The following LRFN5 variants were observed in gnomAD, a reference collection of about 807,000 sequenced individuals.
The protein encoded by LRFN5 is leucine-rich repeat and fibronectin type-III domain-containing protein 5.
LRFN5 carries 24 observed loss-of-function variants against 45.6 expected under a neutral mutation model. The observed-to-expected ratio is 0.53, with a 90% CI of 0.38 to 0.74. The LOEUF (loss-of-function observed/expected upper bound fraction) is 0.74. Among genes scored for constraint, LRFN5 ranks in the 30% least tolerant of loss-of-function variants. The pLI is 0.00. For synonymous variants in LRFN5, 340 were observed against 313.8 expected, an observed-to-expected ratio of 1.08 and a Z score of -0.88; for missense variants, 776 against 861.5, an observed-to-expected ratio of 0.90 and a Z score of 1.24.
chr14:41,790,876 A>G (rs574887919), intron 2 of LRFN5, among the ~76,000 whole-genome samples: 7 of 151,694 alleles, frequency 4.6e-5, no homozygotes, highest in Non-Finnish European at 1.0e-4. Context: ...TTATCTTATA[A>G]TTGTTGGGCA....
rs573115213 is a variant in LRFN5 at position 41,887,120 on chromosome 14, T to A, written c.495T>A (p.Asp165Glu). 6.2e-7 allele frequency: 1 copy of A among 1,614,062 alleles called. No homozygotes were observed. Among genetic ancestry groups the A allele is most frequent in the South Asian group, 1.1e-5 (1 of 91,084 alleles). ...ATAATCTAGAAACCATTCCTTGGGA[T>A]GCTGTTGAGAAGATGGTTAGCTTGC... The part of the protein sequence containing the change: ...SYNNLETIPW[D>E]AVEKMVSLHT... The change falls in exon 3 of 6, where the codon GAT (aspartate) becomes GAA (glutamate). Residue 165 changes from aspartate to glutamate, a missense_variant. Asp to Glu is a conservative substitution (Grantham distance 45). Around this residue, in one of 2 missense-constraint regions of LRFN5, gnomAD observed 311 missense variants for 405.1 expected, o/e 0.77. Coordinates refer to ENST00000298119, the MANE Select transcript of LRFN5 (RefSeq NM_152447.5). The surrounding 1 kb of genome is among the most constrained non-coding windows in gnomAD (Gnocchi z 4.8).
At chr14:41,792,507 C>T (rs1025948828) in intron 2 of LRFN5, among the ~76,000 whole-genome samples, 8 of 151,876 alleles carry the variant, frequency 5.3e-5, no homozygotes, top group African/African-American at 1.7e-4. Flanking sequence ...CCAGAGTGGC[C>T]GTTTATAGAC....
In LRFN5 at chr14:41,895,038, G is replaced by T. The variant is rs969950297; in HGVS notation, c.2098+3076G>T. The T allele has an allele frequency of 4.1e-6, 4 of 984,248 alleles. No individual in the cohort carries two copies. The African/African-American group carries it at 7.0e-5, about 17-fold the overall frequency. 61.0% of individuals were successfully genotyped at this position (984,248 alleles called of 1,614,324 possible). On this transcript the variant is annotated intron_variant, in intron 4 of 5. Transcript: ENST00000298119. ...TTTGTCATTTTGCATTATAGTTTCA[G>T]CTTGTTCAATGTGAGAACAAACAAA...
At chr14:41,894,044 T>A in intron 4 of LRFN5, 1 of 984,312 alleles carries the variant, frequency 1.0e-6, no homozygotes, top group Non-Finnish European at 1.2e-6. Flanking sequence ...CAATAGGTGT[T>A]GATTTGCAGA....
intron 1 of LRFN5, among the ~76,000 whole-genome samples, chr14:41,668,877 A>G (rs1346820576): frequency 6.6e-6 from 1 of 152,152 alleles, no homozygotes; most frequent in Non-Finnish European, 1.5e-5. Flanking sequence ...TGTTGAACGT[A>G]GCTCTGACTT....
chr14:41,797,437 C>T (rs903065402), intron 2 of LRFN5, among the ~76,000 whole-genome samples: 11 of 151,598 alleles, frequency 7.3e-5, no homozygotes, highest in African/African-American at 9.7e-5. Flanking sequence ...TATTTATCAA[C>T]TTGGCAAATC....
intron 2 of LRFN5, among the ~76,000 whole-genome samples, chr14:41,831,897 G>A (rs1380075760): frequency 6.6e-6 from 1 of 152,100 alleles, no homozygotes; most frequent in Admixed American, 6.6e-5. Flanking sequence ...CACAAGTTCA[G>A]TTCCCGGTGA....
chr14:41,827,175 C>T (rs930433903), intron 2 of LRFN5, among the ~76,000 whole-genome samples: 1 of 152,054 alleles, frequency 6.6e-6, no homozygotes, highest in Admixed American at 6.5e-5. Context: ...GTGGCATATA[C>T]TTTGTTTCCT....
intron 2 of LRFN5, among the ~76,000 whole-genome samples, chr14:41,867,604 T>C (rs1889882723): frequency 6.6e-6 from 1 of 152,156 alleles, no homozygotes; most frequent in East Asian, 1.9e-4. Flanking sequence ...GTGTTGATGC[T>C]TCATGTGTAC....
chr14:41,861,522 T>C (rs1361643174), intron 2 of LRFN5, among the ~76,000 whole-genome samples: 1 of 152,196 alleles, frequency 6.6e-6, no homozygotes, highest in Non-Finnish European at 1.5e-5. Context: ...TTTTAGCAAA[T>C]ATTATGCTGC....
At chr14:41,820,167 G>A (rs1023180675) in intron 2 of LRFN5, among the ~76,000 whole-genome samples, 3 of 150,808 alleles carry the variant, frequency 2.0e-5, no homozygotes, top group African/African-American at 7.3e-5. Flanking sequence ...TGCTTTTGAG[G>A]TCTTAGTCAT....
chr14:41,800,937 G>A (rs754641813), intron 2 of LRFN5, among the ~76,000 whole-genome samples: 7 of 151,994 alleles, frequency 4.6e-5, no homozygotes, highest in Non-Finnish European at 8.8e-5. Flanking sequence ...TCACTTATGA[G>A]TCAGATAAAA....
At chr14:41,898,629 C>A (rs1388049907) in intron 4 of LRFN5, among the ~76,000 whole-genome samples, 1 of 151,788 alleles carries the variant, frequency 6.6e-6, no homozygotes, top group Non-Finnish European at 1.5e-5. Context: ...AACTCTGTCA[C>A]GAATACCAAA....
intron 1 of LRFN5, among the ~76,000 whole-genome samples, chr14:41,620,833 A>G (rs6572099): frequency 7.3e-5 from 11 of 151,430 alleles, no homozygotes; most frequent in Admixed American, 1.3e-4. Context: ...ATAATTAGCT[A>G]TAATGTCTAT....
At chr14:41,758,394 T>A (rs1232753651) in intron 1 of LRFN5, among the ~76,000 whole-genome samples, 1 of 152,240 alleles carries the variant, frequency 6.6e-6, no homozygotes. Context: ...TAAACTACTT[T>A]CAAAGAAGTA....
chr14:41,658,920 C>A (rs1230448926), intron 1 of LRFN5, among the ~76,000 whole-genome samples: 1 of 151,904 alleles, frequency 6.6e-6, no homozygotes, highest in African/African-American at 2.4e-5. Flanking sequence ...TTACTTAACT[C>A]ATTATCTCAT....
At chr14:41,700,349 A>G (rs1400281914) in intron 1 of LRFN5, 1 of 152,122 alleles carries the variant, frequency 6.6e-6, no homozygotes, top group Non-Finnish European at 1.5e-5. Context: ...AAAATGAATT[A>G]CTTTGTGAGA....
intron 2 of LRFN5, among the ~76,000 whole-genome samples, chr14:41,772,592 T>TA (rs1422124240): frequency 6.6e-6 from 1 of 152,080 alleles, no homozygotes; most frequent in Non-Finnish European, 1.5e-5. Flanking sequence ...CCTCAGACAA[T>TA]AAAAAATTCT....
intron 2 of LRFN5, among the ~76,000 whole-genome samples, chr14:41,797,454 T>C (rs1339529943): frequency 6.6e-6 from 1 of 151,734 alleles, no homozygotes; most frequent in Admixed American, 6.6e-5. Flanking sequence ...AATCTTATGA[T>C]AGCATTGTTC....
Sources: allele counts gnomAD v4.1 joint callset (sites outside exome capture counted in the v4.1 genomes callset), GRCh38; gene constraint gnomAD v4.1.1; regional missense constraint gnomAD v4.1.1; non-coding constraint Gnocchi (gnomAD v3.1); transcripts MANE v1.5; gene names NCBI Gene and HGNC (gene_info 2026-07-23, HGNC 2026-07-21).